ARHGAP22: variants seen among roughly 807,000 people sequenced by gnomAD.
ARHGAP22 encodes the protein Rho GTPase activating protein 22, also known as rho GTPase-activating protein 22.
In ARHGAP22, 48 loss-of-function variants were observed where a neutral mutation model predicts 59.1. That is an observed-to-expected ratio of 0.81 (90% CI 0.64 to 1.03). The LOEUF is 1.03. Among genes scored for constraint, ARHGAP22 ranks in the 50% least tolerant of loss-of-function variants. The pLI is 0.00. For synonymous variants in ARHGAP22, 445 were observed against 416.4 expected (o/e 1.07, Z -0.84); for missense variants, 1,015 against 958.7 (o/e 1.06, Z -0.78).
At chr10:48,453,131 G>A (rs1457757820) in intron 8 of ARHGAP22, among the ~76,000 whole-genome samples, 173 bp downstream of exon 8, 1 of 152,136 alleles carries the variant, frequency 6.6e-6, no homozygotes, top group Non-Finnish European at 1.5e-5. Context: ...TGGGGGTCGG[G>A]GGTGAGGTCT....
chr10:48,627,585 C>G (rs947211264), intron 1 of ARHGAP22, among the ~76,000 whole-genome samples: 5 of 152,232 alleles, frequency 3.3e-5, no homozygotes, highest in African/African-American at 1.2e-4. Context: ...TGGGAGAGAG[C>G]CGGCGCTCCA....
At chr10:48,564,368 C>G (rs892279426) in intron 2 of ARHGAP22, among the ~76,000 whole-genome samples, 1 of 152,102 alleles carries the variant, frequency 6.6e-6, no homozygotes, top group Non-Finnish European at 1.5e-5. Flanking sequence ...AATAAGAACA[C>G]CAGAAAAATA....
chr10:48,436,721 G>C, the ARHGAP22 span: 1 of 152,172 alleles, frequency 6.6e-6, no homozygotes, highest in African/African-American at 2.4e-5. Flanking sequence ...AAATACATTA[G>C]CTTTTTTATA....
intron 3 of ARHGAP22, among the ~76,000 whole-genome samples, chr10:48,539,290 C>CTTTT (rs553835954): frequency 0.16 from 20,707 of 128,046 alleles, 2,573 homozygotes; most frequent in Non-Finnish European, 0.21. Flanking sequence ...AGAAGGGTAA[C>CTTTT]ATTTTTTTTT....
chr10:48,461,427 T>A (rs1250724797), intron 4 of ARHGAP22, among the ~76,000 whole-genome samples: 2 of 152,154 alleles, frequency 1.3e-5, no homozygotes, highest in Non-Finnish European at 2.9e-5. Flanking sequence ...ACTTATGACT[T>A]GTATGCTTTT....
chr10:48,431,417 T>G, the ARHGAP22 span: 1 of 603,474 alleles, frequency 1.7e-6, no homozygotes, highest in Non-Finnish European at 2.9e-6. Context: ...GTTTTGTTTT[T>G]TCTACTAATA....
intron 9 of ARHGAP22, among the ~76,000 whole-genome samples, 180 bp from the exon 10 acceptor site, chr10:48,446,799 C>T (rs1435326647): frequency 2.0e-5 from 3 of 152,166 alleles, no homozygotes; most frequent in Non-Finnish European, 4.4e-5. Context: ...GAGCAAATTG[C>T]CCCCTGCCAT....
At chr10:48,543,175 G>A (rs560877214) in intron 3 of ARHGAP22, among the ~76,000 whole-genome samples, 3 of 152,282 alleles carry the variant, frequency 2.0e-5, no homozygotes, top group East Asian at 3.9e-4. Flanking sequence ...CCCTAGGCCC[G>A]CACAGAGATG....
chr10:48,521,108 T>C (rs2053766824), intron 3 of ARHGAP22, among the ~76,000 whole-genome samples: 1 of 152,176 alleles, frequency 6.6e-6, no homozygotes, highest in African/African-American at 2.4e-5. Context: ...AGGAGGCTTA[T>C]CCTCTACAAA....
chr10:48,558,308 A>T lies in ARHGAP22; in HGVS notation c.235-2758T>A, dbSNP rs571889950. ...CTTTTTAACCTTTGTTTTTACTATA[A>T]CTTATTTATCAGTAGATTTTTGCGA... On this transcript the variant is annotated intron_variant, in intron 2 of 9. Coordinates refer to ENST00000249601, the MANE Select transcript of ARHGAP22 (RefSeq NM_021226.4). Among the ~76,000 whole-genome samples the T allele has an allele frequency of 1.1e-3, 169 of 151,746 alleles. 1 individual carries two copies. The highest frequency in any genetic ancestry group is 3.8e-3 in the African/African-American group (155 of 41,300).
At chr10:48,564,184 G>A (rs1271790770) in intron 2 of ARHGAP22, among the ~76,000 whole-genome samples, 1 of 152,102 alleles carries the variant, frequency 6.6e-6, no homozygotes, top group East Asian at 1.9e-4. Flanking sequence ...TTTGTTCTAA[G>A]GAAAAACAAA....
intron 1 of ARHGAP22, among the ~76,000 whole-genome samples, chr10:48,619,729 TA>T (rs1468558046): frequency 6.6e-6 from 1 of 152,186 alleles, no homozygotes; most frequent in Admixed American, 6.5e-5. Context: ...ATGTAAGACC[TA>T]AAATTATAAA....
In ARHGAP22 at chr10:48,547,418, G is replaced by A. The variant is rs557847698; in HGVS notation, c.322+8045C>T. On this transcript the variant is annotated intron_variant, in intron 3 of 9. Transcript: ENST00000249601. The stretch of plus-strand genomic sequence containing the variant: ...ATCTGGTGTTTGGGGAGTTGGGGGG[G>A]AGGCCCCAAGGAGCCCAGTGGGAGG... 3.9e-5 allele frequency among the ~76,000 whole-genome samples: 6 copies of A among 152,354 alleles called. No homozygotes were observed. In the South Asian group the frequency reaches 1.2e-3, roughly 32 times the overall value.
chr10:48,519,483 C>T (rs11101364), intron 3 of ARHGAP22, among the ~76,000 whole-genome samples: 27,970 of 152,230 alleles, frequency 0.18, 2,893 homozygotes, highest in Non-Finnish European at 0.24. Flanking sequence ...GTTGGGTAAC[C>T]CAACAATAGG....
At chr10:48,576,386 G>A (rs547875745) in intron 2 of ARHGAP22, among the ~76,000 whole-genome samples, 39 of 152,230 alleles carry the variant, frequency 2.6e-4, no homozygotes, top group Middle Eastern at 3.4e-3. Flanking sequence ...GCTGCATTCC[G>A]TTTTTTGGTT....
At chr10:48,558,216 T>C (rs1284068734) in intron 2 of ARHGAP22, among the ~76,000 whole-genome samples, 1 of 152,208 alleles carries the variant, frequency 6.6e-6, no homozygotes, top group Non-Finnish European at 1.5e-5. Context: ...GTCAGTAACC[T>C]CCAGAGCTTA....
At chr10:48,509,405 T>A (rs1464541564) in intron 3 of ARHGAP22, among the ~76,000 whole-genome samples, 1 of 152,244 alleles carries the variant, frequency 6.6e-6, no homozygotes, top group East Asian at 1.9e-4. Context: ...AGCTTTGTTC[T>A]GATGTCTACC....
chr10:48,543,859 T>C (rs1185153876), intron 3 of ARHGAP22, among the ~76,000 whole-genome samples: 1 of 152,130 alleles, frequency 6.6e-6, no homozygotes, highest in Non-Finnish European at 1.5e-5. Flanking sequence ...TGGTGGCTCA[T>C]GTCTGTAATC....
chr10:48,431,028 T>C, the ARHGAP22 span: 4 of 640,040 alleles, frequency 6.2e-6, no homozygotes, highest in African/African-American at 7.5e-5. Flanking sequence ...GGAATTGTTA[T>C]TAATTAACAT....
Sources: allele counts gnomAD v4.1 joint callset (sites outside exome capture counted in the v4.1 genomes callset), GRCh38; gene constraint gnomAD v4.1.1; transcripts MANE v1.5; gene names NCBI Gene and HGNC (gene_info 2026-07-23, HGNC 2026-07-21).